Variants in SCN9A observed in about 807,000 individuals in gnomAD.
SCN9A encodes the protein sodium voltage-gated channel alpha subunit 9.
SCN9A carries 131 observed loss-of-function variants against 187.0 expected under a neutral mutation model. The ratio of observed to expected loss-of-function variants is 0.70; its 90% CI spans 0.61 to 0.81. SCN9A has a LOEUF of 0.81. Among genes scored for constraint, SCN9A ranks in the 30% least tolerant of loss-of-function variants. The probability of loss-of-function intolerance (pLI) is 0.00; values close to 1 mark genes in which losing one functional copy is unlikely to be tolerated. For missense variants in SCN9A, 2,252 were observed against 2,396.6 expected (o/e 0.94, Z 1.26); for synonymous variants, 809 against 808.6 (o/e 1.00, Z -0.01).
intron 9 of SCN9A, among the ~76,000 whole-genome samples, chr2:166,292,479 T>G (rs898819986): frequency 1.3e-5 from 2 of 152,112 alleles, no homozygotes; most frequent in South Asian, 4.1e-4. Context: ...CCGAATTCAT[T>G]TATAATATTC....
Position 166,197,756 on chromosome 2 carries a change from T to C in SCN9A, c.*916A>G, listed in dbSNP as rs902684921. ...ATACTGCATAAGAAAGCAGGAAAAT[T>C]TGACAAAAGAGTTTAAGAGACTATT... On this transcript the variant is annotated 3_prime_UTR_variant, in exon 27 of 27. Transcript: ENST00000642356. The C allele has an allele frequency of 1.3e-5, 2 of 152,272 alleles. No homozygotes were observed. The highest frequency in any genetic ancestry group is 3.9e-4 in the East Asian group (2 of 5,182). The allele number at this position is 152,272 out of a possible 1,614,324, so 9.4% of individuals were successfully genotyped here. A position where few individuals can be genotyped will look rare whatever the true frequency, so the allele number is the denominator to read the frequency against.
intron 9 of SCN9A, among the ~76,000 whole-genome samples, chr2:166,291,861 C>T (rs1574880149): frequency 6.6e-6 from 1 of 152,168 alleles, no homozygotes; most frequent in South Asian, 2.1e-4. Context: ...GGGAAGCTGG[C>T]TAGCCATATG....
At position 166,199,539 on chromosome 2, in the gene SCN9A, C is replaced by T. The variant is rs1553473186; in HGVS notation, c.5100G>A (p.Trp1700Ter). 5.6e-6 allele frequency: 9 copies of T among 1,614,156 alleles called. No homozygotes were observed. The highest frequency in any genetic ancestry group is 7.6e-6 in the Non-Finnish European group (9 of 1,180,034). Residue 1700 changes from tryptophan to a stop codon, truncating the protein, a stop_gained, in exon 27 of 27, where the codon TGG (tryptophan) becomes TGA (stop). Coordinates refer to ENST00000642356, the MANE Select transcript of SCN9A (RefSeq NM_001365536.1). LOFTEE classifies it high-confidence loss of function. ...CLFQITTSAG[W>*]DGLLAPILNS... ...TAAGAATAGGTGCTAGCAATCCATC[C>T]CAGCCAGCAGAGGTTGTAATTTGGA...
At chr2:166,350,379 T>A (rs911571046) in intron 1 of SCN9A, among the ~76,000 whole-genome samples, 22 of 152,324 alleles carry the variant, frequency 1.4e-4, no homozygotes, top group African/African-American at 5.3e-4. Context: ...AAACTAGGTA[T>A]CCCTATATGT....
intron 1 of SCN9A, among the ~76,000 whole-genome samples, chr2:166,347,835 G>A (rs1320448474): frequency 6.6e-6 from 1 of 152,134 alleles, no homozygotes; most frequent in African/African-American, 2.4e-5. Context: ...AGAATTTAAA[G>A]AGGCTGTTAC....
rs1161600733 is a variant in SCN9A at position 166,199,474 on chromosome 2, G to T, written c.5165C>A (p.Pro1722His). The T allele has an allele frequency of 6.2e-7, 1 of 1,614,168 alleles. No individual in the cohort carries two copies. Among genetic ancestry groups the T allele is most frequent in the Non-Finnish European group, 8.5e-7 (1 of 1,180,034 alleles). The part of the protein sequence containing the change: ...PPDCDPKKVH[P>H]GSSVEGDCGN... ...ACAGTCTCCTTCAACTGAACTTCCA[G>T]GATGAACTTTTTTTGGGTCACAGTC... is the stretch of plus-strand genomic sequence containing the variant. Residue 1722 changes from proline (P) to histidine (H), a missense_variant, in exon 27 of 27, where the codon CCT becomes CAT. Pro to His is a moderately conservative substitution (Grantham distance 77, BLOSUM62 -2). Transcript: ENST00000642356.
intron 21 of SCN9A, among the ~76,000 whole-genome samples, chr2:166,229,471 G>T (rs973231945): frequency 1.3e-5 from 2 of 151,876 alleles, no homozygotes; most frequent in Non-Finnish European, 1.5e-5. Flanking sequence ...GTGTATATCA[G>T]GTAGGTGGAA....
intron 1 of SCN9A, among the ~76,000 whole-genome samples, chr2:166,324,903 T>A (rs1351109323): frequency 6.6e-6 from 1 of 152,074 alleles, no homozygotes; most frequent in African/African-American, 2.4e-5. Context: ...CTGGGTGAGA[T>A]CTTGAAAGAG....
At chr2:166,283,168 A>G (rs969798307) in intron 12 of SCN9A, among the ~76,000 whole-genome samples, 6 of 152,228 alleles carry the variant, frequency 3.9e-5, no homozygotes, top group Non-Finnish European at 8.8e-5. Flanking sequence ...TATAAATTAT[A>G]TAGTATTTTA....
chr2:166,211,844 TAA>T (rs759785640), intron 24 of SCN9A, among the ~76,000 whole-genome samples: 1 of 151,730 alleles, frequency 6.6e-6, no homozygotes, highest in Non-Finnish European at 1.5e-5. Flanking sequence ...AGAAGACAGT[TAA>T]GAGAGAAAAA....
At chr2:166,220,576 T>C (rs1397106809) in intron 24 of SCN9A, among the ~76,000 whole-genome samples, 1 of 152,140 alleles carries the variant, frequency 6.6e-6, no homozygotes, top group East Asian at 1.9e-4. Context: ...TCCAGTACTG[T>C]GATCCCATAA....
intron 10 of SCN9A, among the ~76,000 whole-genome samples, chr2:166,287,668 G>A (rs1697831621): frequency 6.6e-6 from 1 of 151,956 alleles, no homozygotes; most frequent in African/African-American, 2.4e-5. Context: ...GTTTCTCTTA[G>A]TACAAGCCTT....
intron 20 of SCN9A, among the ~76,000 whole-genome samples, chr2:166,236,393 A>G (rs1458523567): frequency 6.6e-6 from 1 of 152,110 alleles, no homozygotes; most frequent in African/African-American, 2.4e-5. Context: ...TTTAACATTT[A>G]ATATGTTGTG....
At chr2:166,321,623 G>A (rs998065379) in intron 1 of SCN9A, 5 of 151,558 alleles carry the variant, frequency 3.3e-5, no homozygotes, top group African/African-American at 9.7e-5. Flanking sequence ...TGGAATGAGG[G>A]GAAAAACTGA....
At chr2:166,248,520 T>C (rs1695893608) in intron 18 of SCN9A, among the ~76,000 whole-genome samples, 1 of 152,158 alleles carries the variant, frequency 6.6e-6, no homozygotes, top group Non-Finnish European at 1.5e-5. Context: ...ATCTTCCAGC[T>C]TCTGCCATTG....
At chr2:166,309,977 C>A (rs1416074344) in intron 2 of SCN9A, among the ~76,000 whole-genome samples, 3 of 125,860 alleles carry the variant, frequency 2.4e-5, no homozygotes, top group Non-Finnish European at 5.0e-5. Context: ...CTTTGACAAA[C>A]CTGAGAAAAA....
chr2:166,269,213 C>T (rs566535802), intron 17 of SCN9A, among the ~76,000 whole-genome samples: 39 of 151,966 alleles, frequency 2.6e-4, no homozygotes, highest in African/African-American at 7.0e-4. Context: ...AGATTTCATA[C>T]GCTTTCGGAA....
chr2:166,268,997 G>A lies in SCN9A; in HGVS notation c.3351+3402C>T, dbSNP rs529530411. Among the ~76,000 whole-genome samples the A allele has an allele frequency of 2.8e-4, 42 of 151,960 alleles. 1 individual carries two copies. Among genetic ancestry groups the A allele is most frequent in the African/African-American group, 9.9e-4 (41 of 41,510 alleles). On this transcript the variant is annotated intron_variant, in intron 17 of 26. Coordinates refer to ENST00000642356, the MANE Select transcript of SCN9A (RefSeq NM_001365536.1). ...CTACATGACTTAAAAATACTAGCTT[G>A]TGTATCTGTTACTACAACCTCTAAG...
intron 17 of SCN9A, among the ~76,000 whole-genome samples, chr2:166,255,364 T>C (rs1696221623): frequency 6.6e-6 from 1 of 151,560 alleles, no homozygotes. Flanking sequence ...GTGTTAAATA[T>C]ATGTATCATA....
Sources: gnomAD v4.1 joint callset for allele counts (sites outside exome capture counted in the v4.1 genomes callset) on GRCh38, gnomAD v4.1.1 for gene constraint, MANE v1.5 for transcripts, NCBI Gene and HGNC (gene_info 2026-07-23, HGNC 2026-07-21) for gene names.